Variants in RIMS1 observed in about 807,000 individuals in gnomAD.
RIMS1 encodes regulating synaptic membrane exocytosis 1.
RIMS1 carries 83 observed loss-of-function variants against 214.1 expected under a neutral mutation model. The observed-to-expected ratio is 0.39, with a 90% confidence interval of 0.32 to 0.47. The LOEUF (loss-of-function observed/expected upper bound fraction) is 0.47. RIMS1 is among the 20% of genes least tolerant of loss of function. The probability of loss-of-function intolerance (pLI) is 0.99; values close to 1 mark genes in which losing one functional copy is unlikely to be tolerated. For synonymous variants in RIMS1, 793 were observed against 786.8 expected (o/e 1.01, Z -0.13); for missense variants, 2,050 against 2,161.8 (o/e 0.95, Z 1.03).
intron 26 of RIMS1, among the ~76,000 whole-genome samples, chr6:72,304,715 C>CCAGCCTGGGCGACAGAGCG (rs2094973493): frequency 6.6e-6 from 1 of 151,820 alleles, no homozygotes; most frequent in Non-Finnish European, 1.5e-5. Context: ...CTTGTATAAA[C>CCAGCCTGGGCGACAGAGCG]AGTTATTTCA....
At chr6:71,911,861 T>C (rs1408850448) in intron 1 of RIMS1, among the ~76,000 whole-genome samples, 2 of 152,184 alleles carry the variant, frequency 1.3e-5, no homozygotes, top group Non-Finnish European at 2.9e-5. Context: ...TTGGCCTTGC[T>C]ATTGTTTACA....
intron 1 of RIMS1, among the ~76,000 whole-genome samples, chr6:71,908,883 G>A (rs963061889): frequency 6.6e-6 from 1 of 152,198 alleles, no homozygotes; most frequent in Non-Finnish European, 1.5e-5. Flanking sequence ...TTTGCAAAGA[G>A]TATGTATTTA....
At chr6:72,316,186 G>A (rs1467954571) in intron 28 of RIMS1, among the ~76,000 whole-genome samples, 1 of 152,052 alleles carries the variant, frequency 6.6e-6, no homozygotes, top group East Asian at 1.9e-4. Context: ...CCCAAAAAAG[G>A]TGCTACCTCC....
At chr6:72,201,903 T>A (rs1204368012) in intron 6 of RIMS1, among the ~76,000 whole-genome samples, 1 of 152,152 alleles carries the variant, frequency 6.6e-6, no homozygotes, top group East Asian at 1.9e-4. Flanking sequence ...TGTCCAGGAG[T>A]TAGATAGAAG....
chr6:72,273,599 G>A (rs989248951), intron 22 of RIMS1, among the ~76,000 whole-genome samples: 1 of 152,054 alleles, frequency 6.6e-6, no homozygotes, highest in Non-Finnish European at 1.5e-5. Flanking sequence ...TAAATGCTGA[G>A]CTAAAAAGCA....
chr6:71,912,246 T>C (rs1777147579), intron 1 of RIMS1, among the ~76,000 whole-genome samples: 1 of 152,168 alleles, frequency 6.6e-6, no homozygotes, highest in Non-Finnish European at 1.5e-5. Flanking sequence ...GACAATTCTC[T>C]TGTTTAAGAT....
At chr6:72,061,860 T>G (rs923042748) in intron 2 of RIMS1, among the ~76,000 whole-genome samples, 1 of 152,274 alleles carries the variant, frequency 6.6e-6, no homozygotes, top group Non-Finnish European at 1.5e-5. Context: ...GGGGGAATCT[T>G]TAATTGTTTT....
At chr6:72,038,856 A>G (rs751385065) in intron 2 of RIMS1, among the ~76,000 whole-genome samples, 5 of 152,126 alleles carry the variant, frequency 3.3e-5, no homozygotes, top group Admixed American at 6.6e-5. Flanking sequence ...AAGTTACCAT[A>G]ATGAGGTGTT....
Position 72,067,178 on chromosome 6 carries a change from C to T in RIMS1, c.246-29771C>T, listed in dbSNP as rs144152704. ...CATCTTTCAATGAGATCATGTCTCT[C>T]CCCTGATTAAAATACTACAGTCAGG... On this transcript the variant is annotated intron_variant, in intron 2 of 33. Transcript: ENST00000521978. 3.0e-3 allele frequency among the ~76,000 whole-genome samples: 463 copies of T among 152,250 alleles called. 3 individuals are homozygous for T. Among genetic ancestry groups the T allele is most frequent in the African/African-American group, 0.01 (429 of 41,548 alleles).
intron 1 of RIMS1, among the ~76,000 whole-genome samples, chr6:71,933,470 CA>C (rs1249039927): frequency 2.0e-5 from 3 of 152,060 alleles, no homozygotes; most frequent in African/African-American, 7.2e-5. Context: ...AATTATCTGA[CA>C]AAGTATTCAG....
chr6:72,324,549 G>A (rs1456728181), intron 28 of RIMS1, among the ~76,000 whole-genome samples: 1 of 151,896 alleles, frequency 6.6e-6, no homozygotes, highest in Middle Eastern at 3.2e-3. Flanking sequence ...GAAAGTGGTG[G>A]ATGGAACTAC....
intron 2 of RIMS1, among the ~76,000 whole-genome samples, chr6:71,995,751 G>A (rs755076999): frequency 2.6e-5 from 4 of 151,970 alleles, no homozygotes; most frequent in Non-Finnish European, 4.4e-5. Context: ...CTTACTGCAC[G>A]CAAAAGAAGA....
At chr6:71,958,069 T>A (rs967447014) in intron 1 of RIMS1, among the ~76,000 whole-genome samples, 9 of 152,128 alleles carry the variant, frequency 5.9e-5, no homozygotes, top group Admixed American at 5.9e-4. Flanking sequence ...GAGGATCAAA[T>A]GAGTTAATGC....
intron 2 of RIMS1, among the ~76,000 whole-genome samples, chr6:72,025,898 C>T (rs66501136): frequency 0.067 from 10,204 of 152,244 alleles, 389 homozygotes; most frequent in Non-Finnish European, 0.082. Flanking sequence ...TGACTGGCAA[C>T]TTGGTGCTAG....
At chr6:72,317,420 T>A (rs896419380) in intron 28 of RIMS1, 5 of 182,290 alleles carry the variant, frequency 2.7e-5, no homozygotes, top group African/African-American at 9.5e-5. Flanking sequence ...TTAGTAAAAT[T>A]TGGCATTTGA....
intron 29 of RIMS1, among the ~76,000 whole-genome samples, chr6:72,343,691 C>A (rs1008429137): frequency 2.0e-5 from 3 of 150,694 alleles, no homozygotes; most frequent in African/African-American, 2.4e-5. Context: ...TTAAATAATT[C>A]TTTCATTATA....
At chr6:71,956,315 G>T (rs933761319) in intron 1 of RIMS1, among the ~76,000 whole-genome samples, 1 of 151,624 alleles carries the variant, frequency 6.6e-6, no homozygotes, top group Non-Finnish European at 1.5e-5. Context: ...ATTCTATTTT[G>T]CTTCTCTCGA....
At chr6:72,140,538 A>G (rs1009667442) in intron 4 of RIMS1, among the ~76,000 whole-genome samples, 11 of 152,068 alleles carry the variant, frequency 7.2e-5, no homozygotes, top group Non-Finnish European at 1.5e-5. Context: ...TCCACTTGGC[A>G]TGATTACTAT....
At chr6:72,165,912 TAAC>T (rs2153943868) in intron 4 of RIMS1, among the ~76,000 whole-genome samples, 1 of 152,300 alleles carries the variant, frequency 6.6e-6, no homozygotes, top group East Asian at 1.9e-4. Flanking sequence ...ACTGGCACCT[TAAC>T]AATACTGAGT....
Sources: gnomAD v4.1 joint callset for allele counts (sites outside exome capture counted in the v4.1 genomes callset) on GRCh38, gnomAD v4.1.1 for gene constraint, MANE v1.5 for transcripts, NCBI Gene and HGNC (gene_info 2026-07-23, HGNC 2026-07-21) for gene names.